RAI2: variants seen among roughly 807,000 people sequenced by gnomAD.
The protein encoded by RAI2 is retinoic acid-induced protein 2.
Under a neutral mutation model 15.3 loss-of-function variants are expected in RAI2, and 5 were observed. The observed-to-expected ratio is 0.33, with a 90% CI of 0.17 to 0.69. RAI2 has a LOEUF of 0.69. Among genes scored for constraint, RAI2 ranks in the 30% least tolerant of loss-of-function variants. The probability of loss-of-function intolerance (pLI) is 0.69; values close to 1 mark genes in which losing one functional copy is unlikely to be tolerated. For synonymous variants in RAI2, 191 were observed against 184.0 expected, an observed-to-expected ratio of 1.04 and a Z score of -0.31; for missense variants, 424 against 424.7, an observed-to-expected ratio of 1.00 and a Z score of 0.01.
intron 1 of RAI2, among the ~76,000 whole-genome samples, chrX:17,833,202 G>A (rs1326767199): frequency 8.9e-6 from 1 of 112,040 alleles, no homozygotes; most frequent in Non-Finnish European, 1.9e-5. Context: ...ACCAGACACA[G>A]AAGTACATAC....
intron 1 of RAI2, among the ~76,000 whole-genome samples, chrX:17,816,931 C>G (rs984709476): frequency 8.1e-5 from 9 of 111,310 alleles, no homozygotes; most frequent in Admixed American, 1.9e-4. Flanking sequence ...TGCTCCAACC[C>G]TTTTCCCCTT....
At position 17,801,129 on chromosome X, in the gene RAI2, G is replaced by A. The variant is rs141398215; in HGVS notation, c.882C>T (p.Leu294=). ...TGAGCTGGAAGTACTCCTTAGGCTG[G>A]AGGATGTCAAAGGGCTTCAGTTCAT... ...EKDELKPFDI[L]QPKEYFQLSR... Residue 294 remains leucine (L), a synonymous_variant, in exon 2 of 2, where the codon CTC becomes CTT. Transcript: ENST00000451717. The A allele has an allele frequency of 7.4e-6, 9 of 1,209,726 alleles. No homozygotes were observed. In the African/African-American group the frequency reaches 1.2e-4, roughly 16 times the overall value.
At chrX:17,858,172 G>A (rs1020289852) in intron 1 of RAI2, among the ~76,000 whole-genome samples, 1 of 111,996 alleles carries the variant, frequency 8.9e-6, no homozygotes, top group Non-Finnish European at 1.9e-5. Context: ...GACAGGTTAA[G>A]AGAAATAAAT....
At chrX:17,850,403 C>T (rs1038232341) in intron 1 of RAI2, among the ~76,000 whole-genome samples, 6 of 112,572 alleles carry the variant, frequency 5.3e-5, no homozygotes, top group Middle Eastern at 4.6e-3. Flanking sequence ...CCGGCAATGG[C>T]GCTGACATTG....
intron 1 of RAI2, among the ~76,000 whole-genome samples, chrX:17,805,678 A>G (rs924606162): frequency 3.6e-5 from 4 of 112,424 alleles, no homozygotes; most frequent in Admixed American, 9.4e-5. Flanking sequence ...GCAGGATCTC[A>G]GGGCAAAGGG....
At position 17,830,487 on chromosome X, in the gene RAI2, GT is replaced by G. The variant is rs200756495; in HGVS notation, c.-24-28454del. Among the ~76,000 whole-genome samples, 1,003 of 100,655 alleles carry G rather than the reference GT, an allele frequency of 1.0e-2. 13 individuals carry two copies. The highest frequency in any genetic ancestry group is 0.034 in the African/African-American group (937 of 27,931). The allele number at this position is 100,655 out of a possible 115,157, so 87.4% of individuals were successfully genotyped here. Reference sequence around the variant, plus strand: ...CCTTCAAATGACACTCCTATGATTTGTTTTTTTTTTGTTGTTGTTTTTTTTT... The same window carrying G: ...CCTTCAAATGACACTCCTATGATTTGTTTTTTTTTGTTGTTGTTTTTTTTT... On this transcript the variant is annotated intron_variant, in intron 1 of 1. Coordinates refer to ENST00000451717, the MANE Select transcript of RAI2 (RefSeq NM_021785.6).
intron 1 of RAI2, among the ~76,000 whole-genome samples, chrX:17,856,529 C>T (rs372535174): frequency 4.3e-4 from 48 of 112,590 alleles, no homozygotes; most frequent in African/African-American, 1.2e-3. Flanking sequence ...ACTTCCCATC[C>T]TCCAGAACGG....
In RAI2 at chrX:17,800,063, C is replaced by T. The variant is rs1336437922; in HGVS notation, c.*355G>A. The T allele has an allele frequency of 6.5e-6, 1 of 153,326 alleles. No homozygotes were observed. Among genetic ancestry groups the T allele is most frequent in the African/African-American group, 3.1e-5 (1 of 32,436 alleles). The allele number at this position is 153,326 out of a possible 1,213,427, so 12.6% of individuals were successfully genotyped here. On this transcript the variant is annotated 3_prime_UTR_variant, in exon 2 of 2. Transcript: ENST00000451717. ...ACTGCAACCAATTAGTGCAAACAAA[C>T]ATTTATTGTGAAATATTCATCCTAC... is the stretch of plus-strand genomic sequence containing the variant.
intron 1 of RAI2, among the ~76,000 whole-genome samples, chrX:17,810,129 C>G (rs1179104566): frequency 9.0e-6 from 1 of 110,941 alleles, no homozygotes; most frequent in Non-Finnish European, 1.9e-5. Flanking sequence ...GTGACTTGCT[C>G]AAGTTCACAC....
chrX:17,825,683 C>T (rs2067218298), intron 1 of RAI2, among the ~76,000 whole-genome samples: 1 of 112,333 alleles, frequency 8.9e-6, no homozygotes, highest in African/African-American at 3.2e-5. Context: ...TCTTAGATAC[C>T]AAGGATGACA....
chrX:17,810,938 C>A (rs1376162679), intron 1 of RAI2, among the ~76,000 whole-genome samples: 1 of 112,623 alleles, frequency 8.9e-6, no homozygotes, highest in Non-Finnish European at 1.9e-5. Context: ...GTTGCCATCT[C>A]TCTTGGCTCC....
At chrX:17,808,284 C>T (rs2067004855) in intron 1 of RAI2, among the ~76,000 whole-genome samples, 1 of 110,663 alleles carries the variant, frequency 9.0e-6, no homozygotes, top group Non-Finnish European at 1.9e-5. Context: ...TCTCAGGCCA[C>T]AGCCCAGACC....
rs12847187 is a variant in RAI2, at chrX:17,810,137, C to T, written c.-24-8103G>A. Among the ~76,000 whole-genome samples the T allele has an allele frequency of 3.1e-3, 344 of 111,093 alleles. 1 individual carries two copies. Among genetic ancestry groups the T allele is most frequent in the Middle Eastern group, 4.6e-3 (1 of 219 alleles). On this transcript the variant is annotated intron_variant, in intron 1 of 1. Transcript: ENST00000451717. ...AGGAGAAGTGACTTGCTCAAGTTCACACAGCATAGAGTACACTGACTCCCA... is the reference window on the plus strand; with the variant it reads ...AGGAGAAGTGACTTGCTCAAGTTCATACAGCATAGAGTACACTGACTCCCA...
intron 1 of RAI2, among the ~76,000 whole-genome samples, chrX:17,837,238 T>A (rs1482168119): frequency 9.0e-6 from 1 of 111,341 alleles, no homozygotes; most frequent in Non-Finnish European, 1.9e-5. Context: ...ACTATAGAGA[T>A]AATCAGTCGA....
chrX:17,851,387 C>T lies in RAI2; in HGVS notation c.-25+9711G>A, dbSNP rs1016039958. Among the ~76,000 whole-genome samples, 4 of 111,895 alleles carry T rather than the reference C, an allele frequency of 3.6e-5. No individual in the cohort carries two copies. In the East Asian group the frequency reaches 1.1e-3, roughly 31 times the overall value. On this transcript the variant is annotated intron_variant, in intron 1 of 1. Transcript: ENST00000451717. ...CATTGTTTAGATGTTGGAAAGGAAA[C>T]GGTAACATTGTAGAGCTTTCACAAA...
intron 1 of RAI2, among the ~76,000 whole-genome samples, chrX:17,836,660 T>C (rs1031178092): frequency 8.9e-6 from 1 of 112,318 alleles, no homozygotes; most frequent in Non-Finnish European, 1.9e-5. Context: ...ACAGCAAAGA[T>C]ATCTGACGAA....
At chrX:17,803,534 A>AAAAGAAAAG (rs1569341917) in intron 1 of RAI2, among the ~76,000 whole-genome samples, 3 of 111,242 alleles carry the variant, frequency 2.7e-5, no homozygotes, top group Admixed American at 9.6e-5. Context: ...CCTTTAAAAA[A>AAAAGAAAAG]AAAAGAAAAG....
intron 1 of RAI2, among the ~76,000 whole-genome samples, chrX:17,835,080 T>C (rs1362693969): frequency 9.0e-6 from 1 of 111,637 alleles, no homozygotes; most frequent in Admixed American, 9.4e-5. Flanking sequence ...AAAAGAACGA[T>C]TCAAGCACAA....
At chrX:17,849,219 A>G (rs2067498691) in intron 1 of RAI2, among the ~76,000 whole-genome samples, 1 of 112,788 alleles carries the variant, frequency 8.9e-6, no homozygotes, top group Admixed American at 9.3e-5. Flanking sequence ...TGCAGAGAGC[A>G]GACAGACGGA....
Sources: gnomAD v4.1 joint callset for allele counts (sites outside exome capture counted in the v4.1 genomes callset) on GRCh38, gnomAD v4.1.1 for gene constraint, MANE v1.5 for transcripts, NCBI Gene and HGNC (gene_info 2026-07-23, HGNC 2026-07-21) for gene names.